FBLIM1: variants seen among roughly 807,000 people sequenced by gnomAD.
FBLIM1 encodes the protein filamin binding LIM protein 1.
Under a neutral mutation model 37.4 loss-of-function variants are expected in FBLIM1, and 29 were observed. That is an observed-to-expected ratio of 0.77 (90% confidence interval 0.58 to 1.06). FBLIM1 has a LOEUF of 1.06. FBLIM1 is among the 50% of genes least tolerant of loss of function. FBLIM1 has a pLI of 0.00. For synonymous variants in FBLIM1, 193 were observed against 199.0 expected (o/e 0.97, Z 0.25); for missense variants, 449 against 505.6 (o/e 0.89, Z 1.07).
intron 4 of FBLIM1, 126 bp downstream of exon 4, chr1:15,767,689 G>T: frequency 2.0e-6 from 1 of 495,360 alleles, no homozygotes; most frequent in South Asian, 3.5e-5. Flanking sequence ...TTCTGCTCGG[G>T]GGCAGTCCCT....
rs199891890 is a variant in FBLIM1 at position 15,767,444 on chromosome 1, C to G, written c.319C>G (p.Pro107Ala). ...VLPDLDLLPP[P>A]PPPPPVLLPS... ...TCCTGACCTGGACCTCCTCCCACCC[C>G]CTCCACCGCCCCCTCCAGTGCTTCT... Residue 107 changes from proline to alanine, a missense_variant, in exon 4 of 9, where the codon CCT becomes GCT. Pro to Ala is a conservative substitution (Grantham distance 27). Transcript: ENST00000375766. 4 of 1,562,496 alleles carry G rather than the reference C, an allele frequency of 2.6e-6. No individual in the cohort carries two copies. Among genetic ancestry groups the G allele is most frequent in the African/African-American group, 1.4e-5 (1 of 71,826 alleles).
rs1005549230 is a variant in FBLIM1, at chr1:15,770,743, G to T, written c.711+165G>T. On this transcript the variant is annotated intron_variant, in intron 6 of 8. Coordinates refer to ENST00000375766, the MANE Select transcript of FBLIM1 (RefSeq NM_017556.4). ...AGAAGGAGCCCAGTGAAGGCGATTG[G>T]TTTCCTAGGGCTGCCTGTAAGAGAT... Among the ~76,000 whole-genome samples, 33 of 152,310 alleles carry T rather than the reference G, an allele frequency of 2.2e-4. No individual in the cohort carries two copies. The East Asian group carries it at 3.3e-3, about 15-fold the overall frequency.
At chr1:15,772,072 C>T (rs894747702) in intron 6 of FBLIM1, among the ~76,000 whole-genome samples, 13 of 152,282 alleles carry the variant, frequency 8.5e-5, no homozygotes, top group African/African-American at 2.9e-4. Flanking sequence ...TGACCACCCA[C>T]AGCCGCATCC....
chr1:15,768,745 TAAC>T (rs1190855012), intron 5 of FBLIM1, 115 bp downstream of exon 5: 14 of 613,170 alleles, frequency 2.3e-5, no homozygotes, highest in Non-Finnish European at 3.1e-5. Context: ...CAGCTCATGT[TAAC>T]AATGATGGGC....
rs957248630 is a variant in FBLIM1 at position 15,785,635 on chromosome 1, CA to C, written c.*984del. The stretch of plus-strand genomic sequence containing the variant: ...GGGAGACACAGCGAGACTCTGTCTC[CA>C]AAAAAAAAAGTGCTTTTTGAAAATG... On this transcript the variant is annotated 3_prime_UTR_variant, in exon 9 of 9. Coordinates refer to ENST00000375766, the MANE Select transcript of FBLIM1 (RefSeq NM_017556.4). 2.6e-4 allele frequency: 38 copies of C among 146,194 alleles called. No homozygotes were observed. Among genetic ancestry groups the C allele is most frequent in the African/African-American group, 7.7e-4 (31 of 40,020 alleles). The allele number at this position is 146,194 out of a possible 1,614,324, so 9.1% of individuals were successfully genotyped here.
At chr1:15,770,631 A>C in intron 6 of FBLIM1, 53 bp downstream of exon 6, 4 of 1,588,882 alleles carry the variant, frequency 2.5e-6, no homozygotes, top group Non-Finnish European at 3.4e-6. Context: ...AGCACTTAGA[A>C]TATGTTGCAC....
intron 1 of FBLIM1, among the ~76,000 whole-genome samples, chr1:15,761,319 A>G (rs576546615): frequency 6.6e-6 from 1 of 152,146 alleles, no homozygotes; most frequent in African/African-American, 2.4e-5. Flanking sequence ...ATGATGTTCC[A>G]TTAGAATTCC....
chr1:15,776,133 T>C (rs1341792029), intron 7 of FBLIM1, among the ~76,000 whole-genome samples: 2 of 151,912 alleles, frequency 1.3e-5, no homozygotes, highest in African/African-American at 4.8e-5. Context: ...AAAACACATA[T>C]GGGGCCGGGC....
In FBLIM1 at chr1:15,774,637, G is replaced by T; in HGVS notation, c.731G>T (p.Gly244Val). ...TCCTAGGACACACTGGAGAGGTGCG[G>T]CAAGTGTGGCGAGGTGGTCCGGGAC... is the stretch of plus-strand genomic sequence containing the variant. Reference protein sequence around the residue: ...PCYQDTLERCGKCGEVVRDHI... With the variant: ...PCYQDTLERCVKCGEVVRDHI... Residue 244 changes from glycine (G) to valine (V), a missense_variant, in exon 7 of 9, where the codon GGC (glycine) becomes GTC (valine). Physicochemically the swap from Gly to Val is moderately radical, Grantham distance 109. Transcript: ENST00000375766. 1 of 1,613,708 alleles carries T rather than the reference G, an allele frequency of 6.2e-7. No individual in the cohort carries two copies. The highest frequency in any genetic ancestry group is 2.2e-5 in the East Asian group (1 of 44,884).
At position 15,784,811 on chromosome 1, in the gene FBLIM1, T is replaced by G. The variant is rs1309489681; in HGVS notation, c.*150T>G. ...CCGGCCCAGCCTGTCCAGGATACAG[T>G]GGGGCTGAGCACCCCCAGGCCTTCC... On this transcript the variant is annotated 3_prime_UTR_variant, in exon 9 of 9. Transcript: ENST00000375766. 8.2e-6 allele frequency: 5 copies of G among 610,484 alleles called. No homozygotes were observed. Among genetic ancestry groups the G allele is most frequent in the African/African-American group, 5.5e-5 (3 of 54,908 alleles). The allele number at this position is 610,484 out of a possible 1,614,324, so 37.8% of individuals were successfully genotyped here. A position where few individuals can be genotyped will look rare whatever the true frequency, so the allele number is the denominator to read the frequency against.
rs1198012115 is a variant in FBLIM1 at position 15,758,999 on chromosome 1, G to T, written c.-211+151G>T. ...CCCTGGAGGGGCCTGCGGGTGGGGG[G>T]TGCGGTCCTCACGCCCTTTGCGTCC... is the stretch of plus-strand genomic sequence containing the variant. On this transcript the variant is annotated intron_variant, in intron 1 of 8. Transcript: ENST00000375766. The surrounding 1 kb of genome is among the most constrained non-coding windows in gnomAD (Gnocchi z 6.2). Among the ~76,000 whole-genome samples the T allele has an allele frequency of 6.6e-6, 1 of 152,092 alleles. No individual in the cohort carries two copies. Among genetic ancestry groups the T allele is most frequent in the East Asian group, 1.9e-4 (1 of 5,162 alleles).
chr1:15,776,647 G>A (rs1386127405), intron 7 of FBLIM1, among the ~76,000 whole-genome samples: 1 of 151,354 alleles, frequency 6.6e-6, no homozygotes, highest in Non-Finnish European at 1.5e-5. Flanking sequence ...GGCGGATCAC[G>A]AGGTCAGGAG....
intron 6 of FBLIM1, among the ~76,000 whole-genome samples, chr1:15,772,747 A>T (rs1397759115): frequency 6.6e-6 from 1 of 152,124 alleles, no homozygotes; most frequent in Non-Finnish European, 1.5e-5. Context: ...TGAGGTCAGA[A>T]GTTCAAGACG....
intron 5 of FBLIM1, among the ~76,000 whole-genome samples, chr1:15,770,037 C>G (rs938347382): frequency 6.6e-6 from 1 of 152,022 alleles, no homozygotes; most frequent in Admixed American, 6.6e-5. Context: ...ACCTCTGCCT[C>G]CTAGGTTCAA....
chr1:15,772,287 AAG>A (rs1342380128), intron 6 of FBLIM1, among the ~76,000 whole-genome samples: 1 of 152,164 alleles, frequency 6.6e-6, no homozygotes, highest in Middle Eastern at 3.2e-3. Context: ...GCACTGTGGG[AAG>A]AGAGAGGAGC....
At chr1:15,762,705 C>T (rs959197823) in intron 1 of FBLIM1, among the ~76,000 whole-genome samples, 2 of 152,174 alleles carry the variant, frequency 1.3e-5, no homozygotes, top group African/African-American at 4.8e-5. Context: ...GGTTTTGATG[C>T]CTGCGCTCTG....
intron 8 of FBLIM1, among the ~76,000 whole-genome samples, chr1:15,782,349 A>G (rs1242332420): frequency 2.6e-5 from 4 of 151,448 alleles, no homozygotes; most frequent in Non-Finnish European, 5.9e-5. Flanking sequence ...TGGAGGCTGC[A>G]GTGAGCCATG....
At chr1:15,783,931 C>T (rs550696288) in intron 8 of FBLIM1, among the ~76,000 whole-genome samples, 1 of 152,318 alleles carries the variant, frequency 6.6e-6, no homozygotes, top group East Asian at 1.9e-4. Flanking sequence ...CTGGCTCACA[C>T]CTGTAATCCC....
chr1:15,767,555 C>T lies in FBLIM1; in HGVS notation c.430C>T (p.Pro144Ser), dbSNP rs1457313597. The change falls in exon 4 of 9, where the codon CCA becomes TCA. Residue 144 changes from proline to serine, a missense_variant. Pro to Ser is a moderately conservative substitution (Grantham distance 74). Transcript: ENST00000375766. ...GCTGCACCTGTCCCCGCCCCCGCCC[C>T]CACCACAGGTACTGCCTGCCCCCCG... ...EQLHLSPPPP[P>S]PQAPAEGPSV... The T allele has an allele frequency of 7.8e-7, 1 of 1,283,292 alleles. No individual in the cohort carries two copies. The highest frequency in any genetic ancestry group is 1.0e-6 in the Non-Finnish European group (1 of 953,214). The allele number at this position is 1,283,292 out of a possible 1,614,324, so 79.5% of individuals were successfully genotyped here. A position where few individuals can be genotyped will look rare whatever the true frequency, so the allele number is the denominator to read the frequency against.
Sources: gnomAD v4.1 joint callset for allele counts (sites outside exome capture counted in the v4.1 genomes callset) on GRCh38, gnomAD v4.1.1 for gene constraint, Gnocchi (gnomAD v3.1) non-coding constraint, MANE v1.5 for transcripts, NCBI Gene and HGNC (gene_info 2026-07-23, HGNC 2026-07-21) for gene names.